The following SNX5 variants were observed in gnomAD, a reference collection of about 807,000 sequenced individuals.
SNX5 encodes the protein sorting nexin 5, also known as sorting nexin-5.
A neutral mutation model predicts 53.9 loss-of-function variants in SNX5; 31 were observed. The ratio of observed to expected loss-of-function variants is 0.58; its 90% CI spans 0.43 to 0.78. SNX5 has a LOEUF of 0.78. SNX5 is among the 30% of genes least tolerant of loss of function. The pLI is 0.00. For missense variants in SNX5, 471 were observed against 478.8 expected, an observed-to-expected ratio of 0.98 and a Z score of 0.15; for synonymous variants, 168 against 171.1, an observed-to-expected ratio of 0.98 and a Z score of 0.14.
chr20:17,968,426 G>A lies in SNX5; in HGVS notation c.-1C>T, dbSNP rs1600367600. ...GCAGCAACTCGGGAACCGCGGCCAT[G>A]GCGACGCGGGACTCGAGCAGGGGCC... On this transcript the variant is annotated 5_prime_UTR_variant, in exon 1 of 13. Transcript: ENST00000377759. 1 of 1,288,932 alleles carries A rather than the reference G, an allele frequency of 7.8e-7. No homozygotes were observed. Among genetic ancestry groups the A allele is most frequent in the South Asian group, 2.9e-5 (1 of 34,598 alleles). 79.8% of individuals were successfully genotyped at this position (1,288,932 alleles called of 1,614,324 possible).
chr20:17,944,384 T>TG (rs2039457512), intron 11 of SNX5: 1 of 152,236 alleles, frequency 6.6e-6, no homozygotes, highest in Non-Finnish European at 1.5e-5. Flanking sequence ...ATTATGTACC[T>TG]GCAAAGCATC....
chr20:17,946,379 TG>T (rs1317227254), intron 11 of SNX5, among the ~76,000 whole-genome samples: 1 of 152,196 alleles, frequency 6.6e-6, no homozygotes, highest in Non-Finnish European at 1.5e-5. Flanking sequence ...GTTTCAAGGC[TG>T]GAGCAGAGAG....
intron 4 of SNX5, among the ~76,000 whole-genome samples, chr20:17,953,027 C>G (rs964798007): frequency 1.3e-5 from 2 of 152,196 alleles, no homozygotes; most frequent in Admixed American, 1.3e-4. Flanking sequence ...AATGAGAACC[C>G]TTTAACTGCA....
rs1410470755 is a variant in SNX5 at position 17,968,780 on chromosome 20, C to T, written c.-355G>A. On this transcript the variant is annotated 5_prime_UTR_variant, in exon 1 of 13. Transcript: ENST00000377759. ...AGCAACGGACACTCTCCCAGCAAGA[C>T]GCGTCTAGAGAAAGACCGCGTTTCG... The T allele has an allele frequency of 1.6e-5, 5 of 314,524 alleles. No individual in the cohort carries two copies. Among genetic ancestry groups the T allele is most frequent in the Admixed American group, 1.6e-4 (3 of 19,238 alleles). The allele number at this position is 314,524 out of a possible 1,614,324, so 19.5% of individuals were successfully genotyped here. A position where few individuals can be genotyped will look rare whatever the true frequency, so the allele number is the denominator to read the frequency against.
rs1370873563 is a variant in SNX5 at position 17,951,602 on chromosome 20, G to A, written c.514-7C>T. 3.2e-6 allele frequency: 5 copies of A among 1,586,346 alleles called. No homozygotes were observed. The highest frequency in any genetic ancestry group is 1.7e-4 in the Middle Eastern group (1 of 5,844). On this transcript the variant is annotated splice_region_variant and splice_polypyrimidine_tract_variant and intron_variant, in intron 5 of 12. Transcript: ENST00000377759. Reference sequence around the variant, plus strand: ...TTTTCCGCCTAACACTTAGCTAAAAGAAGAAAATTCCAAAGAGTTTATATG... The same window carrying A: ...TTTTCCGCCTAACACTTAGCTAAAAAAAGAAAATTCCAAAGAGTTTATATG...
intron 10 of SNX5, among the ~76,000 whole-genome samples, chr20:17,948,113 CT>C (rs2039511420): frequency 6.6e-6 from 1 of 152,168 alleles, no homozygotes; most frequent in Non-Finnish European, 1.5e-5. Context: ...TCTTTGCAAT[CT>C]TACAACAGAG....
intron 3 of SNX5, among the ~76,000 whole-genome samples, chr20:17,954,474 C>A (rs1467114315): frequency 6.6e-6 from 1 of 152,130 alleles, no homozygotes; most frequent in Non-Finnish European, 1.5e-5. Context: ...GTTCAGTATT[C>A]CAAAGGAATT....
At chr20:17,965,143 A>G (rs1352096235) in intron 1 of SNX5, among the ~76,000 whole-genome samples, 1 of 152,140 alleles carries the variant, frequency 6.6e-6, no homozygotes, top group Non-Finnish European at 1.5e-5. Flanking sequence ...CACCCATATC[A>G]CACCATTTTA....
chr20:17,962,329 T>G (rs1473860839), intron 1 of SNX5: 1 of 196,346 alleles, frequency 5.1e-6, no homozygotes, highest in Non-Finnish European at 1.0e-5. Flanking sequence ...CTCAGCCTCC[T>G]GAGTAGCTGG....
At chr20:17,946,048 C>G (rs933287778) in intron 11 of SNX5, among the ~76,000 whole-genome samples, 1 of 152,128 alleles carries the variant, frequency 6.6e-6, no homozygotes, top group Non-Finnish European at 1.5e-5. Flanking sequence ...CCCTGAGAAC[C>G]CCAGAGAAGA....
intron 8 of SNX5, among the ~76,000 whole-genome samples, chr20:17,949,826 G>C (rs1378816664): frequency 2.0e-5 from 3 of 152,112 alleles, no homozygotes; most frequent in African/African-American, 7.2e-5. Flanking sequence ...AATTGCCAGG[G>C]GAAGATGCAA....
chr20:17,942,983 C>G, intron 12 of SNX5, 127 bp downstream of exon 12: 2 of 643,396 alleles, frequency 3.1e-6, no homozygotes, highest in Non-Finnish European at 5.6e-6. Context: ...CTCCCATCAA[C>G]TAAGTACTAC....
At chr20:17,965,279 G>A (rs1309300925) in intron 1 of SNX5, among the ~76,000 whole-genome samples, 1 of 152,132 alleles carries the variant, frequency 6.6e-6, no homozygotes, top group Non-Finnish European at 1.5e-5. Context: ...ACAACCCAGA[G>A]GGCACTCCTC....
In SNX5 at chr20:17,966,400, A is replaced by C. The variant is rs1028467692; in HGVS notation, c.51+1975T>G. Among the ~76,000 whole-genome samples the C allele has an allele frequency of 4.7e-3, 690 of 147,058 alleles. 4 individuals carry two copies. Among genetic ancestry groups the C allele is most frequent in the African/African-American group, 0.016 (666 of 40,428 alleles). On this transcript the variant is annotated intron_variant, in intron 1 of 12. Transcript: ENST00000377759. ...ACTCCGTCTCAAAAAAAAAAAAAAA[A>C]TCAAAAACCAGTAAATAGAGGACCA...
chr20:17,954,367 G>T lies in SNX5; in HGVS notation c.268-250C>A. On this transcript the variant is annotated intron_variant, in intron 3 of 12. Transcript: ENST00000377759. ...TTCAGTTTATCCATTATAGACAATT[G>T]TTCAGAGCACAACAGTGTCTATACT... 9.6e-6 allele frequency: 4 copies of T among 416,570 alleles called. No homozygotes were observed. The South Asian group carries it at 1.1e-4, about 11-fold the overall frequency. The allele number at this position is 416,570 out of a possible 1,614,324, so 25.8% of individuals were successfully genotyped here. A position where few individuals can be genotyped will look rare whatever the true frequency, so the allele number is the denominator to read the frequency against.
rs1398612701 is a variant in SNX5, at chr20:17,955,410, C to T, written c.222G>A (p.Trp74Ter). 2.5e-6 allele frequency: 4 copies of T among 1,614,040 alleles called. No individual in the cohort carries two copies. In the South Asian group the frequency reaches 3.3e-5, roughly 13 times the overall value. Residue 74 changes from tryptophan (W) to a stop codon, truncating the protein, a stop_gained, in exon 3 of 13, where the codon TGG (tryptophan) becomes TGA (stop). Coordinates refer to ENST00000377759, the MANE Select transcript of SNX5 (RefSeq NM_014426.4). LOFTEE classifies it high-confidence loss of function. ...SVTRQHEDFV[W>*]LHDTLIETTD... The stretch of plus-strand genomic sequence containing the variant: ...TTGTTTCAATAAGAGTGTCATGTAG[C>T]CACACAAAGTCTTCATGTTGCCTTG...
At chr20:17,955,265 C>T (rs2122385057) in intron 3 of SNX5, 100 bp downstream of exon 3, 1 of 788,862 alleles carries the variant, frequency 1.3e-6, no homozygotes, top group East Asian at 2.7e-5. Context: ...TGAAATCTAA[C>T]TTTTCACAAT....
chr20:17,951,617 G>C, intron 5 of SNX5, 22 bp from the exon 6 acceptor site: 3 of 1,479,150 alleles, frequency 2.0e-6, no homozygotes, highest in Non-Finnish European at 2.8e-6. Context: ...AAATTCCAAA[G>C]AGTTTATATG....
At chr20:17,946,789 G>C (rs1309269006) in intron 11 of SNX5, among the ~76,000 whole-genome samples, 3 of 152,164 alleles carry the variant, frequency 2.0e-5, no homozygotes, top group Admixed American at 6.5e-5. Flanking sequence ...ACAGATTGAT[G>C]GGGGTTAAAA....
Sources: gnomAD v4.1 joint callset for allele counts (sites outside exome capture counted in the v4.1 genomes callset) on GRCh38, gnomAD v4.1.1 for gene constraint, MANE v1.5 for transcripts, NCBI Gene and HGNC (gene_info 2026-07-23, HGNC 2026-07-21) for gene names.